Variants in HEMK2 observed in about 807,000 individuals in gnomAD.
HEMK2 encodes the protein HemK methyltransferase 2, ETF1 glutamine and histone H4 lysine, also known as methyltransferase HEMK2.
the HEMK2 span, among the ~76,000 whole-genome samples, chr21:28,703,088 T>C: frequency 6.6e-6 from 1 of 152,088 alleles, no homozygotes; most frequent in African/African-American, 2.4e-5. Flanking sequence ...ATGTTCTCAC[T>C]TATAAGTGGA....
chr21:28,878,837 T>C, the HEMK2 span, among the ~76,000 whole-genome samples: 3 of 150,958 alleles, frequency 2.0e-5, no homozygotes, highest in Admixed American at 6.6e-5. Flanking sequence ...AGAAACAAAG[T>C]TTCAAAATGT....
the HEMK2 span, among the ~76,000 whole-genome samples, chr21:28,741,061 G>GA: frequency 4.6e-5 from 7 of 152,094 alleles, no homozygotes; most frequent in Admixed American, 3.3e-4. Flanking sequence ...CAAGATAACT[G>GA]AAGAGCATTT....
the HEMK2 span, among the ~76,000 whole-genome samples, chr21:28,720,588 C>T: frequency 6.6e-6 from 1 of 152,144 alleles, no homozygotes; most frequent in East Asian, 1.9e-4. Flanking sequence ...CAAAAATTAG[C>T]TGGGCATGGT....
At chr21:28,654,475 A>G in the HEMK2 span, among the ~76,000 whole-genome samples, 1 of 152,126 alleles carries the variant, frequency 6.6e-6, no homozygotes, top group African/African-American at 2.4e-5. Context: ...AAGGCACAAA[A>G]GTTAGAGATC....
At chr21:28,683,136 T>C in the HEMK2 span, among the ~76,000 whole-genome samples, 1 of 151,154 alleles carries the variant, frequency 6.6e-6, no homozygotes. Context: ...ATATTTATAT[T>C]ATATTTTAAA....
chr21:28,589,951 T>C, the HEMK2 span, among the ~76,000 whole-genome samples: 1 of 152,124 alleles, frequency 6.6e-6, no homozygotes, highest in Non-Finnish European at 1.5e-5. Flanking sequence ...AAGAAGACTC[T>C]CCCAGCTTCC....
chr21:28,725,997 T>C, the HEMK2 span, among the ~76,000 whole-genome samples: 1 of 151,316 alleles, frequency 6.6e-6, no homozygotes, highest in Non-Finnish European at 1.5e-5. Context: ...ACTGTTCACT[T>C]AACGATATAA....
chr21:28,650,323 A>C, the HEMK2 span, among the ~76,000 whole-genome samples: 1 of 152,040 alleles, frequency 6.6e-6, no homozygotes, highest in Non-Finnish European at 1.5e-5. Flanking sequence ...TGAACCAGGG[A>C]GGCAGGGGTT....
the HEMK2 span, chr21:28,872,384 ATTGAT>A: frequency 1.3e-5 from 2 of 152,296 alleles, no homozygotes; most frequent in South Asian, 4.1e-4. Flanking sequence ...TCTGAGCCAC[ATTGAT>A]TTATTTCCCT....
the HEMK2 span, among the ~76,000 whole-genome samples, chr21:28,634,036 G>A: frequency 5.3e-5 from 8 of 152,128 alleles, no homozygotes; most frequent in African/African-American, 1.7e-4. Context: ...TTTCATGTTC[G>A]GGAACTCCTT....
the HEMK2 span, among the ~76,000 whole-genome samples, chr21:28,864,897 A>ATAGGTAGAT: frequency 1.3e-5 from 1 of 75,760 alleles, no homozygotes; most frequent in African/African-American, 4.2e-5. Flanking sequence ...GATGATAGAT[A>ATAGGTAGAT]GATATAGATA....
the HEMK2 span, among the ~76,000 whole-genome samples, chr21:28,868,356 A>G: frequency 1.3e-5 from 2 of 152,224 alleles, no homozygotes; most frequent in African/African-American, 4.8e-5. Context: ...AGTCATAAAC[A>G]TAAAATAACT....
chr21:28,809,871 G>T, the HEMK2 span, among the ~76,000 whole-genome samples: 1 of 152,070 alleles, frequency 6.6e-6, no homozygotes, highest in Non-Finnish European at 1.5e-5. Context: ...AAATACACAA[G>T]GAAATGCTTC....
At chr21:28,667,992 CTCTG>C in the HEMK2 span, among the ~76,000 whole-genome samples, 2 of 152,156 alleles carry the variant, frequency 1.3e-5, no homozygotes, top group Non-Finnish European at 2.9e-5. Flanking sequence ...AAAACTCGTA[CTCTG>C]TCTGGGAAAC....
the HEMK2 span, among the ~76,000 whole-genome samples, chr21:28,808,862 G>A: frequency 1.3e-5 from 2 of 151,990 alleles, no homozygotes; most frequent in Non-Finnish European, 2.9e-5. Flanking sequence ...TTAACAAAAT[G>A]CATTTCAACT....
chr21:28,593,624 T>A, the HEMK2 span, among the ~76,000 whole-genome samples: 11 of 152,026 alleles, frequency 7.2e-5, no homozygotes, highest in Admixed American at 1.3e-4. Flanking sequence ...AAGGAAGTAC[T>A]CAAAAAAATT....
the HEMK2 span, among the ~76,000 whole-genome samples, chr21:28,818,095 C>A: frequency 1.3e-5 from 2 of 152,178 alleles, no homozygotes; most frequent in South Asian, 4.2e-4. Flanking sequence ...AGTCAGTAGA[C>A]TTGGGAAAGG....
the HEMK2 span, among the ~76,000 whole-genome samples, chr21:28,753,356 CAAAA>C: frequency 2.6e-5 from 3 of 117,084 alleles, no homozygotes; most frequent in Admixed American, 8.5e-5. Flanking sequence ...GACTCTGTCT[CAAAA>C]AAAAAAAAAA....
chr21:28,744,011 C>T, the HEMK2 span, among the ~76,000 whole-genome samples: 1 of 151,894 alleles, frequency 6.6e-6, no homozygotes, highest in Non-Finnish European at 1.5e-5. Flanking sequence ...CACATGTTCT[C>T]ACTAATAAGT....
Sources: allele counts gnomAD v4.1 joint callset (sites outside exome capture counted in the v4.1 genomes callset), GRCh38; gene constraint gnomAD v4.1.1; transcripts MANE v1.5; gene names NCBI Gene and HGNC (gene_info 2026-07-23, HGNC 2026-07-21).